Variants in DHRSX observed in about 807,000 individuals in gnomAD.
DHRSX encodes dehydrogenase/reductase X-linked, also known as polyprenol dehydrogenase.
In DHRSX, 31 loss-of-function variants were observed where a neutral mutation model predicts 34.0. The observed-to-expected ratio is 0.91, with a 90% CI of 0.69 to 1.23. The LOEUF (loss-of-function observed/expected upper bound fraction) is 1.23. DHRSX is among the 50% of genes most tolerant of loss of function. The pLI, the probability that DHRSX is intolerant of heterozygous loss-of-function variation, is 0.00. For missense variants in DHRSX, 414 were observed against 428.1 expected (o/e 0.97, Z 0.29); for synonymous variants, 201 against 183.8 (o/e 1.09, Z -0.76).
In DHRSX at chrX:2,234,080, T is replaced by C. The variant is rs191796071; in HGVS notation, c.804+8943A>G. Among the ~76,000 whole-genome samples the C allele has an allele frequency of 2.2e-3, 336 of 152,352 alleles. 1 individual carries two copies. The highest frequency in any genetic ancestry group is 7.8e-3 in the African/African-American group (323 of 41,582). ...AGGGACCCCTCCCTCGTCATCTCCC[T>C]TCTTTCTCTGCTTTGCTATCATGAG... On this transcript the variant is annotated intron_variant, in intron 6 of 6. Transcript: ENST00000334651.
intron 6 of DHRSX, among the ~76,000 whole-genome samples, chrX:2,242,513 G>A (rs928507094): frequency 2.0e-4 from 30 of 152,128 alleles, no homozygotes; most frequent in African/African-American, 7.2e-4. Context: ...GCATTCCCAG[G>A]CGGTTAAGGT....
At chrX:2,431,353 C>A (rs897515510) in intron 1 of DHRSX, among the ~76,000 whole-genome samples, 15 of 147,500 alleles carry the variant, frequency 1.0e-4, no homozygotes, top group Non-Finnish European at 1.6e-4. Flanking sequence ...ACAAAAAAAA[C>A]CCCCAAACTT....
At chrX:2,418,456 C>A (rs1397461817) in intron 2 of DHRSX, among the ~76,000 whole-genome samples, 1 of 152,172 alleles carries the variant, frequency 6.6e-6, no homozygotes, top group Non-Finnish European at 1.5e-5. Flanking sequence ...TAAACCACCA[C>A]AATGAGGCAA....
intron 5 of DHRSX, among the ~76,000 whole-genome samples, chrX:2,258,543 C>T (rs1215576660): frequency 6.6e-6 from 1 of 151,472 alleles, no homozygotes; most frequent in Non-Finnish European, 1.5e-5. Flanking sequence ...AGGGAGAAGA[C>T]GGTGTCTACA....
rs1008396789 is a variant in DHRSX, at chrX:2,500,838, G to C, written c.88C>G (p.Arg30Gly). ...VILAQLLRRC[R>G]GGFLEPVFPP... ...TGACCTGGCTCCAGGAAGCCCCCGC[G>C]GCAGCGCCGCAGCAGCTGCGCCAGG... Residue 30 changes from arginine (R) to glycine (G), a missense_variant, in exon 1 of 7, where the codon CGC becomes GGC. Coordinates refer to ENST00000334651, the MANE Select transcript of DHRSX (RefSeq NM_145177.3). 8.9e-6 allele frequency: 10 copies of C among 1,128,580 alleles called. No homozygotes were observed. Among genetic ancestry groups the C allele is most frequent in the South Asian group, 6.9e-5 (2 of 28,790 alleles). 69.9% of individuals were successfully genotyped at this position (1,128,580 alleles called of 1,614,324 possible).
chrX:2,365,958 A>G (rs2042990172), intron 3 of DHRSX, among the ~76,000 whole-genome samples: 2 of 152,112 alleles, frequency 1.3e-5, no homozygotes, highest in Non-Finnish European at 2.9e-5. Context: ...GCGTTCTATG[A>G]ACCCCCTCTC....
At chrX:2,378,447 TTCC>T (rs1194834686) in intron 3 of DHRSX, among the ~76,000 whole-genome samples, 7 of 152,188 alleles carry the variant, frequency 4.6e-5, no homozygotes, top group Middle Eastern at 3.4e-3. Flanking sequence ...CCCCCTTCTC[TTCC>T]TCCTCCTCCT....
At chrX:2,467,382 G>A (rs2044512503) in intron 1 of DHRSX, among the ~76,000 whole-genome samples, 1 of 152,084 alleles carries the variant, frequency 6.6e-6, no homozygotes, top group Non-Finnish European at 1.5e-5. Flanking sequence ...TTTGTTCACA[G>A]CCGTGATTAA....
At chrX:2,386,623 G>A (rs1488125443) in intron 3 of DHRSX, among the ~76,000 whole-genome samples, 1 of 152,146 alleles carries the variant, frequency 6.6e-6, no homozygotes, top group Non-Finnish European at 1.5e-5. Flanking sequence ...CATGAATTTA[G>A]CAAAATTCTA....
intron 3 of DHRSX, among the ~76,000 whole-genome samples, chrX:2,336,142 G>A (rs2042558574): frequency 6.6e-6 from 1 of 151,770 alleles, no homozygotes; most frequent in Non-Finnish European, 1.5e-5. Flanking sequence ...CAAGTAGCTG[G>A]GACTACAGGC....
At chrX:2,489,808 C>A (rs1330492207) in intron 1 of DHRSX, 11 of 1,613,448 alleles carry the variant, frequency 6.8e-6, no homozygotes, top group African/African-American at 1.3e-5. Flanking sequence ...GCTTCGGGAG[C>A]TGGAAGGCCT....
At chrX:2,431,969 G>C (rs1485556691) in intron 1 of DHRSX, among the ~76,000 whole-genome samples, 1 of 152,088 alleles carries the variant, frequency 6.6e-6, no homozygotes, top group Non-Finnish European at 1.5e-5. Context: ...GAGACGGGTG[G>C]ATCACGAGGT....
intron 3 of DHRSX, among the ~76,000 whole-genome samples, chrX:2,346,935 T>A: frequency 6.6e-6 from 1 of 152,266 alleles, no homozygotes; most frequent in East Asian, 1.9e-4. Context: ...TTGCTGAGAA[T>A]GATGGTTTCC....
At chrX:2,259,381 TATATAG>T (rs1569480955) in intron 5 of DHRSX, among the ~76,000 whole-genome samples, 5 of 60,562 alleles carry the variant, frequency 8.3e-5, no homozygotes, top group South Asian at 3.2e-4. Context: ...TATAGATATA[TATATAG>T]ATATATAGAT....
intron 1 of DHRSX, among the ~76,000 whole-genome samples, chrX:2,478,526 G>A (rs1032386201): frequency 2.0e-5 from 3 of 151,132 alleles, no homozygotes; most frequent in Admixed American, 6.6e-5. Flanking sequence ...CTAAGCATGC[G>A]GCCAAGGGAC....
chrX:2,320,249 C>T (rs1173389751), intron 3 of DHRSX, among the ~76,000 whole-genome samples: 1 of 132,734 alleles, frequency 7.5e-6, no homozygotes, highest in Non-Finnish European at 1.6e-5. Context: ...TGGTAGCGAT[C>T]ATATGACCCA....
rs1569485892 is a variant in DHRSX, at chrX:2,304,208, G to GATAA, written c.287-12606_287-12605insTTAT. Among the ~76,000 whole-genome samples the GATAA allele has an allele frequency of 2.5e-3, 61 of 24,440 alleles. 2 individuals carry two copies. Among genetic ancestry groups the GATAA allele is most frequent in the South Asian group, 6.3e-3 (7 of 1,112 alleles). The allele number at this position is 24,440 out of a possible 152,430, so 16.0% of individuals were successfully genotyped here. On this transcript the variant is annotated intron_variant, in intron 3 of 6. Coordinates refer to ENST00000334651, the MANE Select transcript of DHRSX (RefSeq NM_145177.3). The stretch of plus-strand genomic sequence containing the variant: ...GGATGGATGGATGGATGGATAAATG[G>GATAA]ATGGATGGATGGATGGATGGATGGA...
At chrX:2,297,479 G>A (rs746374008) in intron 3 of DHRSX, among the ~76,000 whole-genome samples, 9 of 152,120 alleles carry the variant, frequency 5.9e-5, no homozygotes, top group East Asian at 5.8e-4. Flanking sequence ...CCTCCACTCC[G>A]TCCCTAAAAA....
intron 5 of DHRSX, among the ~76,000 whole-genome samples, chrX:2,256,400 A>G (rs1312930958): frequency 6.6e-6 from 1 of 150,658 alleles, no homozygotes; most frequent in Non-Finnish European, 1.5e-5. Flanking sequence ...GGTTCAAACA[A>G]TTCTCCTGCT....
Sources: gnomAD v4.1 joint callset for allele counts (sites outside exome capture counted in the v4.1 genomes callset) on GRCh38, gnomAD v4.1.1 for gene constraint, MANE v1.5 for transcripts, NCBI Gene and HGNC (gene_info 2026-07-23, HGNC 2026-07-21) for gene names.